Variants in DNAJC2 observed in about 807,000 individuals in gnomAD.
DNAJC2 encodes the protein dnaJ homolog subfamily C member 2.
In DNAJC2, 32 loss-of-function variants were observed where a neutral mutation model predicts 94.0. The observed-to-expected ratio is 0.34, with a 90% CI of 0.26 to 0.46. The LOEUF (loss-of-function observed/expected upper bound fraction) is 0.46. Among genes scored for constraint, DNAJC2 ranks in the 20% least tolerant of loss-of-function variants. DNAJC2 has a pLI of 1.00. For missense variants in DNAJC2, 550 were observed against 719.5 expected (o/e 0.76, Z 2.69); for synonymous variants, 210 against 229.7 (o/e 0.91, Z 0.77).
intron 10 of DNAJC2, chr7:103,320,771 A>G (rs1818353508): frequency 6.1e-6 from 1 of 164,864 alleles, no homozygotes; most frequent in African/African-American, 2.5e-5. Flanking sequence ...ACATATATAT[A>G]TATATATATA....
At chr7:103,330,340 C>T (rs1818915212) in intron 3 of DNAJC2, among the ~76,000 whole-genome samples, 1 of 151,998 alleles carries the variant, frequency 6.6e-6, no homozygotes, top group Non-Finnish European at 1.5e-5. Context: ...GGCTGGAGCA[C>T]AGTGGCACCC....
chr7:103,329,199 G>A, intron 3 of DNAJC2: 1 of 292,454 alleles, frequency 3.4e-6, no homozygotes, highest in South Asian at 3.0e-5. Context: ...CATCTACATA[G>A]CAGTTGACAT....
rs768939272 is a variant in DNAJC2 at position 103,313,136 on chromosome 7, T to C, written c.1637-35A>G. On this transcript the variant is annotated intron_variant, in intron 15 of 16. Coordinates refer to ENST00000379263, the MANE Select transcript of DNAJC2 (RefSeq NM_014377.3). ...AAAAATTTTTATTTGAAAACTGTCT[T>C]TGAACATGTTCTCAGACAAGTCTTG... 3.2e-6 allele frequency: 5 copies of C among 1,582,290 alleles called. No individual in the cohort carries two copies. In the African/African-American group the frequency reaches 6.9e-5, roughly 22 times the overall value.
intron 3 of DNAJC2, among the ~76,000 whole-genome samples, chr7:103,331,757 T>C (rs62482397): frequency 0.065 from 9,913 of 152,198 alleles, 394 homozygotes; most frequent in South Asian, 0.13. Context: ...AGTCTGCTGA[T>C]GGACACTTAG....
intron 5 of DNAJC2, among the ~76,000 whole-genome samples, chr7:103,326,091 G>A (rs1043423981): frequency 2.6e-5 from 4 of 151,924 alleles, no homozygotes; most frequent in East Asian, 1.9e-4. Flanking sequence ...CAAAACTCCC[G>A]TCTCCGCCTC....
chr7:103,343,639 T>A (rs1484608594), intron 1 of DNAJC2, among the ~76,000 whole-genome samples: 1 of 152,176 alleles, frequency 6.6e-6, no homozygotes, highest in African/African-American at 2.4e-5. Context: ...CATCTATTCC[T>A]GGGAAGTGGG....
At chr7:103,324,748 GA>G (rs2115911423) in intron 5 of DNAJC2, 186 bp from the exon 6 acceptor site, 1 of 427,592 alleles carries the variant, frequency 2.3e-6, no homozygotes. Flanking sequence ...GCAGGTGTGC[GA>G]AAAGTGAGGC....
rs55978435 is a variant in DNAJC2, at chr7:103,330,609, G to A, written c.332-2855C>T. 6.9e-3 allele frequency among the ~76,000 whole-genome samples: 1,054 copies of A among 152,074 alleles called. 5 individuals carry two copies. The highest frequency in any genetic ancestry group is 8.7e-3 in the Non-Finnish European group (594 of 67,992). ...TGGGATTACAGCCATGTGCCACTAC[G>A]CCCGGCTAATTTTTATATTTTTAGT... On this transcript the variant is annotated intron_variant, in intron 3 of 16. Coordinates refer to ENST00000379263, the MANE Select transcript of DNAJC2 (RefSeq NM_014377.3).
chr7:103,316,963 G>A lies in DNAJC2; in HGVS notation c.1294C>T (p.Arg432Cys), dbSNP rs973724298. ...GTGTTCTTAGATGCTTGTCGCATAC[G>A]AGCCTCAGCTTCCTCTTTCTCTTTT... ...IRKEKEEAEARMRQASKNTEK... is the reference protein window; with the variant it reads ...IRKEKEEAEACMRQASKNTEK... The change falls in exon 13 of 17, where the codon CGT becomes TGT. Residue 432 changes from arginine to cysteine, a missense_variant. Physicochemically the swap from Arg to Cys is radical, Grantham distance 180. Transcript: ENST00000379263. 3 of 1,613,662 alleles carry A rather than the reference G, an allele frequency of 1.9e-6. No individual in the cohort carries two copies. The highest frequency in any genetic ancestry group is 1.7e-5 in the Admixed American group (1 of 59,974).
At chr7:103,316,728 C>T in intron 13 of DNAJC2, 102 bp downstream of exon 13, 1 of 998,412 alleles carries the variant, frequency 1.0e-6, no homozygotes, top group East Asian at 2.4e-5. Context: ...CAGAATTTAT[C>T]TCTGCAAGTT....
At chr7:103,317,069 AC>A (rs1272006280) in intron 12 of DNAJC2, 55 bp from the exon 13 acceptor site, 3 of 1,466,286 alleles carry the variant, frequency 2.0e-6, no homozygotes, top group Non-Finnish European at 2.8e-6. Context: ...GCTATTCTAC[AC>A]TCTCTTCCTG....
Position 103,344,557 on chromosome 7 carries a change from A to G in DNAJC2, c.64+2T>C. The G allele has an allele frequency of 6.2e-7, 1 of 1,613,732 alleles. No individual in the cohort carries two copies. The highest frequency in any genetic ancestry group is 8.5e-7 in the Non-Finnish European group (1 of 1,179,974). On this transcript the variant is annotated splice_donor_variant, in intron 1 of 16. Coordinates refer to ENST00000379263, the MANE Select transcript of DNAJC2 (RefSeq NM_014377.3). LOFTEE classifies it high-confidence loss of function. ...AGGAACCGAGGTTGGGTGGGCACTT[A>G]CCAGAGGTCAGAGCGTGGGTGATGG...
At chr7:103,324,374 A>G in intron 6 of DNAJC2, 108 bp downstream of exon 6, 2 of 979,892 alleles carry the variant, frequency 2.0e-6, no homozygotes, top group Non-Finnish European at 2.8e-6. Context: ...TGTTCAGTGA[A>G]GGTTCTGCAA....
In DNAJC2 at chr7:103,315,784, G is replaced by A. The variant is rs748433263; in HGVS notation, c.1616C>T (p.Thr539Met). ...HGVVPQADNA[T>M]PSERFEGPYT... ...TTTACCTTCAAATCGTTCTGAAGGC[G>A]TTGCGTTGTCTGCTTGAGGTACCAC... is the stretch of plus-strand genomic sequence containing the variant. The change falls in exon 15 of 17, where the codon ACG (threonine) becomes ATG (methionine). Residue 539 changes from threonine to methionine, a missense_variant. Around this residue, in one of 2 missense-constraint regions of DNAJC2, gnomAD observed 271 missense variants for 302.6 expected, o/e 0.90. Transcript: ENST00000379263. 8 of 1,613,400 alleles carry A rather than the reference G, an allele frequency of 5.0e-6. No individual in the cohort carries two copies. In the Admixed American group the frequency reaches 5.0e-5, roughly 10 times the overall value.
intron 1 of DNAJC2, 101 bp from the exon 2 acceptor site, chr7:103,342,055 C>T: frequency 1.1e-6 from 1 of 872,596 alleles, no homozygotes; most frequent in Non-Finnish European, 1.6e-6. Context: ...AACAGTGATA[C>T]CAGCATATAC....
chr7:103,315,818 C>G lies in DNAJC2; in HGVS notation c.1582G>C (p.Glu528Gln). 6.2e-7 allele frequency: 1 copy of G among 1,613,740 alleles called. No homozygotes were observed. The highest frequency in any genetic ancestry group is 8.5e-7 in the Non-Finnish European group (1 of 1,179,854). Residue 528 changes from glutamate to glutamine, a missense_variant, in exon 15 of 17, where the codon GAA becomes CAA. By Grantham distance (29) the Glu-to-Gln change is conservative (BLOSUM62 2). Coordinates refer to ENST00000379263, the MANE Select transcript of DNAJC2 (RefSeq NM_014377.3). ...NKKAFDKFKKEHGVVPQADNA... is the reference protein window; with the variant it reads ...NKKAFDKFKKQHGVVPQADNA... ...TCTGCTTGAGGTACCACTCCATGTTCTTTTTTGAACTTATCAAATGCCTTT... is the reference window on the plus strand; with the variant it reads ...TCTGCTTGAGGTACCACTCCATGTTGTTTTTTGAACTTATCAAATGCCTTT...
At chr7:103,316,162 T>C (rs1818042859) in intron 13 of DNAJC2, 74 bp from the exon 14 acceptor site, 1 of 911,014 alleles carries the variant, frequency 1.1e-6, no homozygotes, top group Non-Finnish European at 1.6e-6. Context: ...AACCATTAGA[T>C]TTTTACTGCA....
At chr7:103,320,863 C>CT (rs1818367005) in intron 10 of DNAJC2, 1 of 126,124 alleles carries the variant, frequency 7.9e-6, no homozygotes, top group African/African-American at 3.3e-5. Flanking sequence ...GATGGAGACT[C>CT]TGTCTTGTTT....
chr7:103,340,280 T>A (rs1338191057), intron 2 of DNAJC2, among the ~76,000 whole-genome samples: 2 of 152,234 alleles, frequency 1.3e-5, no homozygotes, highest in East Asian at 3.8e-4. Flanking sequence ...CTGCTGTTTT[T>A]CCTCCTCTTC....
Sources: allele counts gnomAD v4.1 joint callset (sites outside exome capture counted in the v4.1 genomes callset), GRCh38; gene constraint gnomAD v4.1.1; regional missense constraint gnomAD v4.1.1; transcripts MANE v1.5; gene names NCBI Gene and HGNC (gene_info 2026-07-23, HGNC 2026-07-21).